Variants in STOX1 observed in about 807,000 individuals in gnomAD.
STOX1 encodes storkhead box 1, also known as storkhead-box protein 1.
STOX1 carries 57 observed loss-of-function variants against 74.8 expected under a neutral mutation model. The observed-to-expected ratio is 0.76, with a 90% CI of 0.62 to 0.95. The LOEUF is 0.95. Ranked by LOEUF, STOX1 falls within the 40% of genes least tolerant of loss-of-function variation. The pLI, the probability that STOX1 is intolerant of heterozygous loss-of-function variation, is 0.00. For synonymous variants in STOX1, 375 were observed against 401.3 expected (o/e 0.93, Z 0.78); for missense variants, 1,010 against 1,117.0 (o/e 0.90, Z 1.37).
chr10:68,888,802 A>AT (rs35174437), intron 3 of STOX1, among the ~76,000 whole-genome samples: 1,955 of 31,944 alleles, frequency 0.061, 368 homozygotes, highest in Non-Finnish European at 0.078. Flanking sequence ...TGCCCAGCTA[A>AT]TTTTTTTTTT....
intron 1 of STOX1, among the ~76,000 whole-genome samples, chr10:68,830,348 T>C (rs190594135): frequency 5.8e-4 from 89 of 152,242 alleles, no homozygotes; most frequent in Non-Finnish European, 1.1e-3. Flanking sequence ...TAATTTAATT[T>C]AATTTTTTTT....
intron 3 of STOX1, among the ~76,000 whole-genome samples, chr10:68,889,556 G>C (rs957525970): frequency 6.6e-6 from 1 of 152,120 alleles, no homozygotes; most frequent in Admixed American, 6.6e-5. Context: ...GCTTAAGCTT[G>C]GTGTTTGTTT....
At chr10:68,863,727 A>T (rs1840326185) in intron 1 of STOX1, among the ~76,000 whole-genome samples, 1 of 152,092 alleles carries the variant, frequency 6.6e-6, no homozygotes, top group African/African-American at 2.4e-5. Flanking sequence ...CAAGTTGCTC[A>T]TCTGTATGGA....
At chr10:68,830,918 CAAAAG>C (rs1190325886) in intron 1 of STOX1, among the ~76,000 whole-genome samples, 5 of 152,096 alleles carry the variant, frequency 3.3e-5, no homozygotes, top group East Asian at 3.9e-4. Context: ...AGGTTCATAT[CAAAAG>C]AGAAGAGGCA....
intron 1 of STOX1, among the ~76,000 whole-genome samples, chr10:68,880,164 CTTT>C (rs71028800): frequency 9.6e-5 from 12 of 124,414 alleles, no homozygotes; most frequent in Admixed American, 8.6e-5. Context: ...TCTTTCTTTC[CTTT>C]TTTTTTTTTT....
chr10:68,850,896 C>G (rs1312088595), intron 1 of STOX1, among the ~76,000 whole-genome samples: 1 of 149,734 alleles, frequency 6.7e-6, no homozygotes, highest in Non-Finnish European at 1.5e-5. Context: ...TGCTTGAGCC[C>G]GTGAGATCAA....
chr10:68,877,474 A>G (rs999409316), intron 1 of STOX1, among the ~76,000 whole-genome samples: 2 of 152,198 alleles, frequency 1.3e-5, no homozygotes, highest in Admixed American at 6.5e-5. Context: ...TTATAGATTC[A>G]CAGGAGGTTG....
chr10:68,858,936 T>G (rs1220450232), intron 1 of STOX1, among the ~76,000 whole-genome samples: 1 of 152,046 alleles, frequency 6.6e-6, no homozygotes, highest in African/African-American at 2.4e-5. Context: ...TGATGCAAAG[T>G]GGAGCCCTAT....
At chr10:68,842,604 G>C (rs1839721372) in intron 1 of STOX1, among the ~76,000 whole-genome samples, 1 of 135,266 alleles carries the variant, frequency 7.4e-6, no homozygotes, top group East Asian at 2.2e-4. Context: ...CCAGTGGCAC[G>C]ATCTCGGTTC....
chr10:68,867,747 A>T (rs898236784), intron 1 of STOX1, among the ~76,000 whole-genome samples: 1 of 152,240 alleles, frequency 6.6e-6, no homozygotes, highest in Non-Finnish European at 1.5e-5. Flanking sequence ...CTGACCAGAC[A>T]GTTACAGGAA....
intron 3 of STOX1, among the ~76,000 whole-genome samples, chr10:68,890,934 G>A (rs1476461230): frequency 6.6e-6 from 1 of 152,140 alleles, no homozygotes; most frequent in Non-Finnish European, 1.5e-5. Context: ...TTACAGGTGT[G>A]AGCCCCCATG....
chr10:68,879,506 G>A (rs1028716903), intron 1 of STOX1, among the ~76,000 whole-genome samples: 1 of 151,912 alleles, frequency 6.6e-6, no homozygotes, highest in African/African-American at 2.4e-5. Flanking sequence ...CCTTCTTTGG[G>A]ATCTTGCTAT....
chr10:68,868,463 G>C (rs1840461577), intron 1 of STOX1, among the ~76,000 whole-genome samples: 1 of 152,224 alleles, frequency 6.6e-6, no homozygotes, highest in South Asian at 2.1e-4. Context: ...GGGTGGGCCA[G>C]GTGTTCCTTG....
chr10:68,858,490 C>T (rs941496760), intron 1 of STOX1, among the ~76,000 whole-genome samples: 1 of 152,060 alleles, frequency 6.6e-6, no homozygotes, highest in African/African-American at 2.4e-5. Context: ...TTTCTAACAG[C>T]CTAGAAATGC....
chr10:68,848,825 TG>T (rs1839913230), intron 1 of STOX1, among the ~76,000 whole-genome samples: 1 of 152,270 alleles, frequency 6.6e-6, no homozygotes, highest in East Asian at 1.9e-4. Context: ...CTACCATGCC[TG>T]GCTAATTTTT....
At chr10:68,833,462 A>C (rs1839463045) in intron 1 of STOX1, among the ~76,000 whole-genome samples, 1 of 152,064 alleles carries the variant, frequency 6.6e-6, no homozygotes, top group Admixed American at 6.6e-5. Context: ...TCAAGAGCTG[A>C]GCTCCCCGAG....
At position 68,885,471 on chromosome 10, in the gene STOX1, A is replaced by G; in HGVS notation, c.1675A>G (p.Met559Val). Residue 559 changes from methionine (M) to valine (V), a missense_variant, in exon 3 of 4, where the codon ATG becomes GTG. By Grantham distance (21) the Met-to-Val change is conservative. Transcript: ENST00000298596. ...ATATGCTGAACAACCTAATGATAAA[A>G]TGGAAGCAGAATCCATTTACATAAA... is the stretch of plus-strand genomic sequence containing the variant. Reference protein sequence around the residue: ...EPYAEQPNDKMEAESIYINDP... With the variant: ...EPYAEQPNDKVEAESIYINDP... The G allele has an allele frequency of 6.2e-7, 1 of 1,614,222 alleles. No homozygotes were observed. Among genetic ancestry groups the G allele is most frequent in the Non-Finnish European group, 8.5e-7 (1 of 1,180,042 alleles).
chr10:68,845,666 A>G (rs1200031038), intron 1 of STOX1, among the ~76,000 whole-genome samples: 3 of 150,980 alleles, frequency 2.0e-5, no homozygotes, highest in African/African-American at 7.3e-5. Context: ...CAGTGGCAAG[A>G]TCTTGGCTCA....
At chr10:68,879,567 C>T (rs1490592676) in intron 1 of STOX1, among the ~76,000 whole-genome samples, 1 of 152,172 alleles carries the variant, frequency 6.6e-6, no homozygotes, top group Non-Finnish European at 1.5e-5. Context: ...CCACTAAGCC[C>T]TTCCTTTTTG....
Sources: gnomAD v4.1 joint callset for allele counts (sites outside exome capture counted in the v4.1 genomes callset) on GRCh38, gnomAD v4.1.1 for gene constraint, MANE v1.5 for transcripts, NCBI Gene and HGNC (gene_info 2026-07-23, HGNC 2026-07-21) for gene names.